Variants in GRID2 observed in about 807,000 individuals in gnomAD.
The protein encoded by GRID2 is glutamate receptor ionotropic, delta-2.
GRID2 carries 33 observed loss-of-function variants against 114.8 expected under a neutral mutation model. The observed-to-expected ratio is 0.29, with a 90% CI of 0.22 to 0.38. The LOEUF is 0.38. GRID2 is among the 10% of genes least tolerant of loss of function. The pLI, the probability that GRID2 is intolerant of heterozygous loss-of-function variation, is 1.00. For missense variants in GRID2, 1,184 were observed against 1,257.7 expected (o/e 0.94, Z 0.89); for synonymous variants, 505 against 449.9 (o/e 1.12, Z -1.55).
intron 1 of GRID2, among the ~76,000 whole-genome samples, chr4:92,491,503 A>G (rs1723145131): frequency 6.6e-6 from 1 of 152,192 alleles, no homozygotes; most frequent in African/African-American, 2.4e-5. Flanking sequence ...AACAACTGAT[A>G]TCTAGCTCAA....
intron 2 of GRID2, among the ~76,000 whole-genome samples, chr4:92,976,699 T>G (rs1414897385): frequency 6.6e-6 from 1 of 152,138 alleles, no homozygotes; most frequent in African/African-American, 2.4e-5. Context: ...ATCTCTATAC[T>G]TCTCCCTATA....
At chr4:92,638,552 T>C (rs1731186213) in intron 2 of GRID2, among the ~76,000 whole-genome samples, 1 of 149,122 alleles carries the variant, frequency 6.7e-6, no homozygotes, top group Non-Finnish European at 1.5e-5. Flanking sequence ...AATTGACTCA[T>C]TAATGAATCA....
intron 2 of GRID2, among the ~76,000 whole-genome samples, chr4:92,953,199 C>T (rs1752152009): frequency 1.3e-5 from 2 of 152,092 alleles, no homozygotes; most frequent in Non-Finnish European, 2.9e-5. Context: ...GGGAGTTAGG[C>T]TTCAATATAT....
intron 1 of GRID2, among the ~76,000 whole-genome samples, chr4:92,429,038 A>T (rs1732305535): frequency 6.6e-6 from 1 of 151,918 alleles, no homozygotes; most frequent in Admixed American, 6.6e-5. Flanking sequence ...GACAGGCCCC[A>T]GTGTGTGATA....
At chr4:93,472,419 A>G (rs1411443908) in intron 11 of GRID2, among the ~76,000 whole-genome samples, 1 of 152,190 alleles carries the variant, frequency 6.6e-6, no homozygotes, top group Non-Finnish European at 1.5e-5. Context: ...ATCCATATAC[A>G]TTAAAAATAT....
intron 2 of GRID2, among the ~76,000 whole-genome samples, chr4:92,840,963 T>A (rs149719509): frequency 2.6e-5 from 4 of 152,180 alleles, no homozygotes; most frequent in Admixed American, 2.6e-4. Context: ...TCTTAATAAC[T>A]ATTCCAAATG....
At chr4:93,672,485 T>C (rs1377860984) in intron 14 of GRID2, among the ~76,000 whole-genome samples, 6 of 152,254 alleles carry the variant, frequency 3.9e-5, no homozygotes, top group Non-Finnish European at 8.8e-5. Context: ...ATTTGATAGT[T>C]TGACTTAAAT....
intron 2 of GRID2, among the ~76,000 whole-genome samples, chr4:92,963,288 A>G (rs1216158943): frequency 2.6e-5 from 4 of 151,998 alleles, no homozygotes; most frequent in Non-Finnish European, 4.4e-5. Flanking sequence ...TCTCTATAGC[A>G]TGCCATGCTG....
intron 1 of GRID2, among the ~76,000 whole-genome samples, chr4:92,389,324 A>G (rs1043356868): frequency 1.9e-4 from 29 of 151,990 alleles, no homozygotes; most frequent in Non-Finnish European, 1.5e-5. Flanking sequence ...AAAATTTACA[A>G]CTTCAAAAAC....
At chr4:93,673,875 A>G (rs539490157) in intron 14 of GRID2, among the ~76,000 whole-genome samples, 8 of 152,058 alleles carry the variant, frequency 5.3e-5, no homozygotes, top group Non-Finnish European at 1.0e-4. Context: ...AGTTACATTG[A>G]TTTTCAAACT....
intron 4 of GRID2, among the ~76,000 whole-genome samples, chr4:93,166,509 A>G (rs1049643423): frequency 1.3e-5 from 2 of 152,226 alleles, no homozygotes; most frequent in African/African-American, 4.8e-5. Context: ...CTGGCAAAGA[A>G]TAATGAAACT....
In GRID2 at chr4:93,395,654, C is replaced by T. The variant is rs1436101101; in HGVS notation, c.1293C>T (p.Asp431=). ...CAGGTCTGAATGGGTCACTGACTGA[C>T]AAGAAATTGGAGAATAACATGCGTG... ...PVTGLNGSLT[D]KKLENNMRGV... The change falls in exon 9 of 16, where the codon GAC becomes GAT. Residue 431 remains aspartate, a synonymous_variant. Coordinates refer to ENST00000282020, the MANE Select transcript of GRID2 (RefSeq NM_001510.4). The T allele has an allele frequency of 6.3e-7, 1 of 1,587,286 alleles. No individual in the cohort carries two copies. Among genetic ancestry groups the T allele is most frequent in the African/African-American group, 1.3e-5 (1 of 74,176 alleles).
chr4:92,315,993 C>CAAAAAAAAAAAAAAAAAAAAAAA (rs778361565), intron 1 of GRID2, among the ~76,000 whole-genome samples: 57 of 61,772 alleles, frequency 9.2e-4, no homozygotes, highest in Non-Finnish European at 1.4e-3. Context: ...AAACAAAAAG[C>CAAAAAAAAAAAAAAAAAAAAAAA]AAAAAAAAAA....
In GRID2 at chr4:92,938,309, T is replaced by C. The variant is rs1750819106; in HGVS notation, c.245-146686T>C. Among the ~76,000 whole-genome samples, 2 of 146,722 alleles carry C rather than the reference T, an allele frequency of 1.4e-5. 1 individual carries two copies. Among genetic ancestry groups the C allele is most frequent in the Non-Finnish European group, 3.0e-5 (2 of 66,286 alleles). On this transcript the variant is annotated intron_variant, in intron 2 of 15. Coordinates refer to ENST00000282020, the MANE Select transcript of GRID2 (RefSeq NM_001510.4). ...TGGGATTCTTTTCTTATCAATAGCA[T>C]AAATCTTCTTTATGGCCCATCTTTC...
At chr4:92,540,793 G>T (rs1725900960) in intron 1 of GRID2, among the ~76,000 whole-genome samples, 1 of 152,124 alleles carries the variant, frequency 6.6e-6, no homozygotes, top group African/African-American at 2.4e-5. Flanking sequence ...CCATTACTGG[G>T]TATATACCCA....
At chr4:92,454,248 T>C (rs569573313) in intron 1 of GRID2, among the ~76,000 whole-genome samples, 1 of 152,308 alleles carries the variant, frequency 6.6e-6, no homozygotes, top group Admixed American at 6.5e-5. Flanking sequence ...ATTGGACACC[T>C]GGCTTCAAAT....
intron 2 of GRID2, among the ~76,000 whole-genome samples, chr4:92,998,542 A>T (rs1040016461): frequency 6.6e-6 from 1 of 152,000 alleles, no homozygotes; most frequent in Non-Finnish European, 1.5e-5. Context: ...ATGAGATTTT[A>T]TATTCAGAAG....
chr4:92,776,921 G>A (rs915961799), intron 2 of GRID2, among the ~76,000 whole-genome samples: 3 of 151,478 alleles, frequency 2.0e-5, no homozygotes, highest in Non-Finnish European at 4.4e-5. Context: ...AGAGAGCCAG[G>A]GAAAAAAATG....
chr4:92,441,920 A>G lies in GRID2; in HGVS notation c.88+137176A>G, dbSNP rs1251859198. On this transcript the variant is annotated intron_variant, in intron 1 of 15. Transcript: ENST00000282020. ...GAATAGTCAGGGAAGCAGATAATTT[A>G]GTTAAAGTGTCTCAGCCTAATAAGG... Among the ~76,000 whole-genome samples the G allele has an allele frequency of 2.0e-5, 3 of 152,008 alleles. No individual in the cohort carries two copies. The East Asian group carries it at 5.8e-4, about 29-fold the overall frequency.
Sources: allele counts gnomAD v4.1 joint callset (sites outside exome capture counted in the v4.1 genomes callset), GRCh38; gene constraint gnomAD v4.1.1; transcripts MANE v1.5; gene names NCBI Gene and HGNC (gene_info 2026-07-23, HGNC 2026-07-21).